DYNC1I2: variants seen among roughly 807,000 people sequenced by gnomAD.
The protein encoded by DYNC1I2 is dynein cytoplasmic 1 intermediate chain 2.
DYNC1I2 carries 53 observed loss-of-function variants against 88.6 expected under a neutral mutation model. The ratio of observed to expected loss-of-function variants is 0.60; its 90% confidence interval spans 0.48 to 0.75. The LOEUF (loss-of-function observed/expected upper bound fraction) is 0.75. Among genes scored for constraint, DYNC1I2 ranks in the 30% least tolerant of loss-of-function variants. The probability of loss-of-function intolerance (pLI) is 0.00; values close to 1 mark genes in which losing one functional copy is unlikely to be tolerated. For missense variants in DYNC1I2, 458 were observed against 766.6 expected (o/e 0.60, Z 4.75); for synonymous variants, 198 against 254.6 (o/e 0.78, Z 2.12).
At position 171,707,381 on chromosome 2, in the gene DYNC1I2, C is replaced by T. The variant is rs757912701; in HGVS notation, c.335+4C>T. 6.2e-7 allele frequency: 1 copy of T among 1,603,890 alleles called. No homozygotes were observed. Among genetic ancestry groups the T allele is most frequent in the South Asian group, 1.1e-5 (1 of 88,946 alleles). On this transcript the variant is annotated splice_donor_region_variant and intron_variant, in intron 5 of 17. Coordinates refer to ENST00000397119, the MANE Select transcript of DYNC1I2 (RefSeq NM_001378.3). ...GAGATGGCGCCGTGGGATCTAGGTACAGTAATTTTCCTTTTAATGTTTTAA... is the reference window on the plus strand; with the variant it reads ...GAGATGGCGCCGTGGGATCTAGGTATAGTAATTTTCCTTTTAATGTTTTAA...
rs1418606409 is a variant in DYNC1I2 at position 171,725,507 on chromosome 2, G to A, written c.512-111G>A. The A allele has an allele frequency of 7.5e-6, 5 of 664,596 alleles. No homozygotes were observed. In the Admixed American group the frequency reaches 1.8e-4, roughly 24 times the overall value. The allele number at this position is 664,596 out of a possible 1,614,324, so 41.2% of individuals were successfully genotyped here. On this transcript the variant is annotated intron_variant, in intron 7 of 17. Transcript: ENST00000397119. ...TACTTTTGCTTATATCTTGGGAGTT[G>A]TGATACCTTCTGAAATACTGTCTCA... is the stretch of plus-strand genomic sequence containing the variant.
At chr2:171,713,440 C>CT (rs552134559) in intron 6 of DYNC1I2, among the ~76,000 whole-genome samples, 3,122 of 141,412 alleles carry the variant, frequency 0.022, 62 homozygotes, top group Admixed American at 0.071. Flanking sequence ...TTGTTTTTTG[C>CT]TTTTTTTTTT....
At chr2:171,743,561 A>G (rs974449676) in intron 15 of DYNC1I2, among the ~76,000 whole-genome samples, 1 of 152,110 alleles carries the variant, frequency 6.6e-6, no homozygotes, top group Non-Finnish European at 1.5e-5. Context: ...TCTTCTTCCC[A>G]CACAGATACT....
chr2:171,723,000 G>A (rs750931413), intron 7 of DYNC1I2, among the ~76,000 whole-genome samples: 3 of 152,152 alleles, frequency 2.0e-5, no homozygotes, highest in Non-Finnish European at 2.9e-5. Context: ...AAATAGGCAT[G>A]GCAAATGCTG....
chr2:171,688,432 A>C (rs1204567974), intron 1 of DYNC1I2: 1 of 152,162 alleles, frequency 6.6e-6, no homozygotes, highest in Non-Finnish European at 1.5e-5. Context: ...AAATGCGCTT[A>C]TTTTAATATC....
At chr2:171,713,158 TATTA>T (rs1460852883) in intron 6 of DYNC1I2, among the ~76,000 whole-genome samples, 3 of 152,266 alleles carry the variant, frequency 2.0e-5, no homozygotes, top group South Asian at 2.1e-4. Context: ...TTGATATGAA[TATTA>T]ATTTATTTTT....
intron 17 of DYNC1I2, among the ~76,000 whole-genome samples, chr2:171,746,724 AAC>A (rs570232050): frequency 1.3e-4 from 20 of 152,270 alleles, no homozygotes; most frequent in African/African-American, 4.1e-4. Flanking sequence ...ACAACTGCGT[AAC>A]TGAATTTTTA....
At chr2:171,723,216 A>G (rs202175364) in intron 7 of DYNC1I2, among the ~76,000 whole-genome samples, 1 of 152,266 alleles carries the variant, frequency 6.6e-6, no homozygotes, top group East Asian at 1.9e-4. Flanking sequence ...ATAATACAAC[A>G]AAGTTGAAGG....
intron 5 of DYNC1I2, 118 bp downstream of exon 5, chr2:171,707,495 C>T: frequency 3.7e-6 from 3 of 807,788 alleles, no homozygotes; most frequent in Non-Finnish European, 5.3e-6. Context: ...ATTTTAAAAT[C>T]TAAAATGGCA....
intron 15 of DYNC1I2, among the ~76,000 whole-genome samples, chr2:171,741,186 A>C (rs550258062): frequency 6.6e-6 from 1 of 152,236 alleles, no homozygotes; most frequent in East Asian, 1.9e-4. Context: ...TAGATATACC[A>C]CTTTTTGTTT....
At chr2:171,728,179 A>G (rs1688371542) in intron 12 of DYNC1I2, 126 bp from the exon 13 acceptor site, 2 of 718,432 alleles carry the variant, frequency 2.8e-6, no homozygotes, top group East Asian at 5.8e-5. Flanking sequence ...TTAATAGCAA[A>G]CTTCACATTA....
At chr2:171,701,897 G>C (rs1371692869) in intron 3 of DYNC1I2, among the ~76,000 whole-genome samples, 1 of 152,148 alleles carries the variant, frequency 6.6e-6, no homozygotes, top group Non-Finnish European at 1.5e-5. Context: ...TAGCTTATCT[G>C]TTGTGAACTA....
intron 11 of DYNC1I2, 136 bp from the exon 12 acceptor site, chr2:171,727,685 A>G (rs935722120): frequency 1.6e-6 from 1 of 643,796 alleles, no homozygotes; most frequent in Non-Finnish European, 2.4e-6. Context: ...ACTTTTAATT[A>G]ATTTACTTAG....
intron 15 of DYNC1I2, among the ~76,000 whole-genome samples, chr2:171,735,612 T>C (rs902981183): frequency 6.6e-6 from 1 of 152,238 alleles, no homozygotes; most frequent in African/African-American, 2.4e-5. Context: ...TTTAAACCAG[T>C]AAAGACAGGG....
At chr2:171,697,184 T>A (rs1174408551) in intron 3 of DYNC1I2, among the ~76,000 whole-genome samples, 1 of 151,880 alleles carries the variant, frequency 6.6e-6, no homozygotes, top group Non-Finnish European at 1.5e-5. Context: ...TGTTTTGTTT[T>A]TGTTTTTGTT....
At chr2:171,701,421 G>T (rs942986883) in intron 3 of DYNC1I2, among the ~76,000 whole-genome samples, 1 of 151,564 alleles carries the variant, frequency 6.6e-6, no homozygotes, top group African/African-American at 2.4e-5. Flanking sequence ...CCACCCACCT[G>T]GTCCTCCCAA....
chr2:171,713,337 A>T (rs1687260030), intron 6 of DYNC1I2, among the ~76,000 whole-genome samples: 2 of 152,032 alleles, frequency 1.3e-5, no homozygotes, highest in Admixed American at 1.3e-4. Flanking sequence ...TAGATTATTC[A>T]TAGAATGTAT....
At chr2:171,715,252 T>A (rs1478236223) in intron 6 of DYNC1I2, 76 bp from the exon 7 acceptor site, 2 of 870,038 alleles carry the variant, frequency 2.3e-6, no homozygotes, top group East Asian at 5.4e-5. Context: ...TGCAAATGAC[T>A]GTTTAATTCT....
rs373580310 is a variant in DYNC1I2, at chr2:171,736,650, G to A, written c.1536+6797G>A. ...TGAGACTCCCTTTCTCCTGGACGATGCTTGAATGGGTACTGTCTTCATTTT... is the reference window on the plus strand; with the variant it reads ...TGAGACTCCCTTTCTCCTGGACGATACTTGAATGGGTACTGTCTTCATTTT... On this transcript the variant is annotated intron_variant, in intron 15 of 17. Transcript: ENST00000397119. Among the ~76,000 whole-genome samples the A allele has an allele frequency of 1.1e-4, 17 of 152,294 alleles. No homozygotes were observed. The East Asian group carries it at 3.3e-3, about 29-fold the overall frequency.
Sources: allele counts gnomAD v4.1 joint callset (sites outside exome capture counted in the v4.1 genomes callset), GRCh38; gene constraint gnomAD v4.1.1; transcripts MANE v1.5; gene names NCBI Gene and HGNC (gene_info 2026-07-23, HGNC 2026-07-21).